Variants in RPS6KC1 observed in about 807,000 individuals in gnomAD.
The protein encoded by RPS6KC1 is ribosomal protein S6 kinase C1, also known as inactive ribosomal protein S6 kinase delta-1.
A neutral mutation model predicts 103.8 loss-of-function variants in RPS6KC1; 54 were observed. The ratio of observed to expected loss-of-function variants is 0.52; its 90% confidence interval spans 0.42 to 0.65. The LOEUF (loss-of-function observed/expected upper bound fraction) is 0.65, where lower values mean the gene tolerates loss of function less well. Ranked by LOEUF, RPS6KC1 falls within the 30% of genes least tolerant of loss-of-function variation. The pLI is 0.00. For missense variants in RPS6KC1, 1,151 were observed against 1,253.8 expected (o/e 0.92, Z 1.24); for synonymous variants, 439 against 438.7 (o/e 1.00, Z -0.01).
chr1:213,667,189 GA>G, the RPS6KC1 span, among the ~76,000 whole-genome samples: 3 of 151,916 alleles, frequency 2.0e-5, no homozygotes, highest in Non-Finnish European at 2.9e-5. Context: ...AAATACAAAA[GA>G]AAAAAAGAAG....
the RPS6KC1 span, among the ~76,000 whole-genome samples, chr1:213,846,376 A>T: frequency 3.3e-5 from 5 of 152,164 alleles, no homozygotes; most frequent in Non-Finnish European, 5.9e-5. Flanking sequence ...TCCATACCCA[A>T]TGCGCTCCCC....
downstream of RPS6KC1, among the ~76,000 whole-genome samples, chr1:213,278,263 T>C (rs1356275454): frequency 6.6e-6 from 1 of 151,700 alleles, no homozygotes; most frequent in Non-Finnish European, 1.5e-5. Flanking sequence ...ACAAGACAGA[T>C]GTTTGATTAA....
chr1:213,132,819 A>T (rs2085797309), intron 6 of RPS6KC1, among the ~76,000 whole-genome samples: 1 of 152,220 alleles, frequency 6.6e-6, no homozygotes, highest in South Asian at 2.1e-4. Context: ...ATAATCTTTC[A>T]GAGCTAAGTA....
chr1:213,745,187 G>A, the RPS6KC1 span, among the ~76,000 whole-genome samples: 1 of 151,196 alleles, frequency 6.6e-6, no homozygotes, highest in African/African-American at 2.4e-5. Flanking sequence ...TGAAGGAACT[G>A]ATTTTATTTC....
the RPS6KC1 span, among the ~76,000 whole-genome samples, chr1:213,311,360 G>A: frequency 5.3e-5 from 8 of 152,004 alleles, no homozygotes; most frequent in Non-Finnish European, 1.2e-4. Context: ...GGATGGTCTC[G>A]GTCTCCTGAC....
intron 1 of RPS6KC1, among the ~76,000 whole-genome samples, chr1:213,062,815 G>T (rs1230762643): frequency 3.3e-5 from 5 of 152,066 alleles, no homozygotes; most frequent in Admixed American, 3.3e-4. Context: ...GGCCTCCCAA[G>T]GTGCTGGGAT....
At chr1:213,613,047 C>T in the RPS6KC1 span, among the ~76,000 whole-genome samples, 2 of 152,182 alleles carry the variant, frequency 1.3e-5, no homozygotes, top group African/African-American at 2.4e-5. Context: ...ATGTCATCAG[C>T]AGCTGTAACT....
the RPS6KC1 span, among the ~76,000 whole-genome samples, chr1:213,343,444 T>TATAC: frequency 2.7e-5 from 2 of 75,118 alleles, no homozygotes; most frequent in Admixed American, 1.5e-4. Context: ...TATATATACA[T>TATAC]ACCATGGAAT....
the RPS6KC1 span, among the ~76,000 whole-genome samples, chr1:213,372,060 T>G: frequency 1.4e-4 from 22 of 152,248 alleles, no homozygotes; most frequent in African/African-American, 4.6e-4. Context: ...CCTGCCATCT[T>G]TGCTGTGCAG....
chr1:213,082,404 C>T (rs909332054), intron 3 of RPS6KC1, among the ~76,000 whole-genome samples: 3 of 152,012 alleles, frequency 2.0e-5, no homozygotes, highest in African/African-American at 7.2e-5. Context: ...GCACTCTAGC[C>T]TGGGCGACAG....
chr1:213,171,493 GA>G (rs2091472939), intron 7 of RPS6KC1, among the ~76,000 whole-genome samples: 1 of 151,858 alleles, frequency 6.6e-6, no homozygotes, highest in Non-Finnish European at 1.5e-5. Context: ...ATCAAATTTA[GA>G]AAAAGACAAT....
chr1:213,245,180 A>G (rs2094434636), intron 12 of RPS6KC1, among the ~76,000 whole-genome samples: 1 of 152,222 alleles, frequency 6.6e-6, no homozygotes, highest in Non-Finnish European at 1.5e-5. Flanking sequence ...AAAAGTTCAT[A>G]GGCAGTGCTA....
chr1:213,096,723 A>G (rs1375807016), intron 3 of RPS6KC1, among the ~76,000 whole-genome samples: 1 of 152,008 alleles, frequency 6.6e-6, no homozygotes, highest in Non-Finnish European at 1.5e-5. Context: ...AATGGCATCT[A>G]GGGTGGTGAA....
chr1:213,687,540 A>C, the RPS6KC1 span, among the ~76,000 whole-genome samples: 1 of 152,128 alleles, frequency 6.6e-6, no homozygotes, highest in East Asian at 1.9e-4. Context: ...ATAATTTATC[A>C]AGGTTAGGGA....
the RPS6KC1 span, among the ~76,000 whole-genome samples, chr1:213,281,099 G>C: frequency 6.6e-6 from 1 of 152,018 alleles, no homozygotes; most frequent in African/African-American, 2.4e-5. Flanking sequence ...TGTAGTATCT[G>C]GTGAACAGAG....
the RPS6KC1 span, among the ~76,000 whole-genome samples, chr1:213,489,952 A>G: frequency 3.9e-5 from 6 of 152,276 alleles, no homozygotes; most frequent in South Asian, 1.2e-3. Flanking sequence ...GGCTGGTGGG[A>G]GATCTCAACA....
At chr1:213,577,662 C>G in the RPS6KC1 span, among the ~76,000 whole-genome samples, 1 of 152,140 alleles carries the variant, frequency 6.6e-6, no homozygotes, top group Admixed American at 6.5e-5. Context: ...TGCCCCTGTT[C>G]TAGAGATCTG....
chr1:213,214,758 G>A (rs1308481955), intron 8 of RPS6KC1, among the ~76,000 whole-genome samples: 8 of 152,170 alleles, frequency 5.3e-5, no homozygotes, highest in Non-Finnish European at 5.9e-5. Context: ...CGATACCCAG[G>A]CAAACAGGGT....
At chr1:213,190,995 C>T (rs997034355) in intron 8 of RPS6KC1, among the ~76,000 whole-genome samples, 1 of 152,110 alleles carries the variant, frequency 6.6e-6, no homozygotes, top group African/African-American at 2.4e-5. Flanking sequence ...CTATTCTGTT[C>T]CATGATCTTT....
Sources: allele counts gnomAD v4.1 joint callset (sites outside exome capture counted in the v4.1 genomes callset), GRCh38; gene constraint gnomAD v4.1.1; transcripts MANE v1.5; gene names NCBI Gene and HGNC (gene_info 2026-07-23, HGNC 2026-07-21).